The following CACNB2 variants were observed in gnomAD, a reference collection of about 807,000 sequenced individuals.
The protein encoded by CACNB2 is voltage-dependent L-type calcium channel subunit beta-2.
Under a neutral mutation model 73.3 loss-of-function variants are expected in CACNB2, and 42 were observed. The ratio of observed to expected loss-of-function variants is 0.57; its 90% confidence interval spans 0.45 to 0.74. CACNB2 has a LOEUF of 0.74. Among genes scored for constraint, CACNB2 ranks in the 30% least tolerant of loss-of-function variants. The pLI is 0.00. For synonymous variants in CACNB2, 348 were observed against 310.3 expected (o/e 1.12, Z -1.28); for missense variants, 940 against 853.0 (o/e 1.10, Z -1.27).
intron 3 of CACNB2, among the ~76,000 whole-genome samples, chr10:18,494,362 G>A (rs999750904): frequency 5.9e-5 from 9 of 152,108 alleles, no homozygotes; most frequent in African/African-American, 1.7e-4. Context: ...GGGTGCGGTG[G>A]CTCACGCCTG....
intron 2 of CACNB2, among the ~76,000 whole-genome samples, chr10:18,299,036 G>A (rs1461357546): frequency 7.4e-6 from 1 of 134,308 alleles, no homozygotes; most frequent in Non-Finnish European, 1.5e-5. Flanking sequence ...CCTGCACGTT[G>A]TGCACATGTA....
At chr10:18,285,544 G>C (rs879422628) in intron 2 of CACNB2, among the ~76,000 whole-genome samples, 9 of 152,178 alleles carry the variant, frequency 5.9e-5, no homozygotes, top group Admixed American at 2.0e-4. Context: ...GCAGCTATCT[G>C]ACTGTTACCA....
At chr10:18,500,591 C>T (rs2050140010) in intron 4 of CACNB2, among the ~76,000 whole-genome samples, 1 of 152,158 alleles carries the variant, frequency 6.6e-6, no homozygotes, top group Non-Finnish European at 1.5e-5. Context: ...CCTACGGCAG[C>T]ACCAGGACAG....
intron 2 of CACNB2, among the ~76,000 whole-genome samples, chr10:18,330,184 A>G (rs528989608): frequency 1.3e-4 from 20 of 152,228 alleles, no homozygotes; most frequent in Non-Finnish European, 2.2e-4. Flanking sequence ...AGATAACACA[A>G]AGAAGTCCTA....
intron 2 of CACNB2, among the ~76,000 whole-genome samples, chr10:18,359,560 C>T (rs764221182): frequency 3.3e-5 from 5 of 152,054 alleles, no homozygotes; most frequent in Non-Finnish European, 7.4e-5. Flanking sequence ...CAGCATGAAC[C>T]ACCACACCCA....
intron 2 of CACNB2, among the ~76,000 whole-genome samples, chr10:18,222,106 G>A (rs539381557): frequency 6.6e-6 from 1 of 152,166 alleles, no homozygotes; most frequent in African/African-American, 2.4e-5. Flanking sequence ...CCTGGCAGGA[G>A]TACACAATAC....
At chr10:18,508,341 A>G (rs951001530) in intron 6 of CACNB2, among the ~76,000 whole-genome samples, 2 of 152,216 alleles carry the variant, frequency 1.3e-5, no homozygotes, top group Non-Finnish European at 2.9e-5. Flanking sequence ...TGTGAAACTT[A>G]TACCTTCCCT....
intron 9 of CACNB2, among the ~76,000 whole-genome samples, chr10:18,522,318 G>A (rs1328324642): frequency 6.6e-6 from 1 of 151,990 alleles, no homozygotes; most frequent in Admixed American, 6.5e-5. Flanking sequence ...TAATGTGCCT[G>A]AATCATCTCA....
intron 2 of CACNB2, among the ~76,000 whole-genome samples, chr10:18,266,643 C>T (rs1324797440): frequency 6.6e-6 from 1 of 152,110 alleles, no homozygotes; most frequent in African/African-American, 2.4e-5. Context: ...AATCTCAGCA[C>T]TTTGCTAGGC....
chr10:18,536,325 C>G (rs141676356), intron 12 of CACNB2, 129 bp downstream of exon 12: 1 of 588,102 alleles, frequency 1.7e-6, no homozygotes, highest in East Asian at 3.1e-5. Flanking sequence ...GTGGTATGGT[C>G]TTAGCTCACT....
chr10:18,297,549 C>A lies in CACNB2; in HGVS notation c.214-104375C>A, dbSNP rs186420066. ...TTCCGGCCTGGATGACAGAGTGAGA[C>A]CATGTCTTTAAAAAAAGAAAAGTTT... is the stretch of plus-strand genomic sequence containing the variant. On this transcript the variant is annotated intron_variant, in intron 2 of 13. Transcript: ENST00000324631. Among the ~76,000 whole-genome samples, 1,253 of 152,228 alleles carry A rather than the reference C, an allele frequency of 8.2e-3. 5 individuals are homozygous for A. The highest frequency in any genetic ancestry group is 0.017 in the Middle Eastern group (5 of 294).
chr10:18,406,399 G>A (rs11014091), intron 3 of CACNB2, among the ~76,000 whole-genome samples: 3,277 of 152,238 alleles, frequency 0.022, 135 homozygotes, highest in African/African-American at 0.074. Flanking sequence ...CAGCCAGACA[G>A]GAAGCTTCAT....
At chr10:18,473,683 G>A (rs1324378656) in intron 3 of CACNB2, among the ~76,000 whole-genome samples, 4 of 152,180 alleles carry the variant, frequency 2.6e-5, no homozygotes, top group Non-Finnish European at 5.9e-5. Context: ...TCAGTCACCC[G>A]GAGAATTCAC....
At chr10:18,277,124 A>C (rs1314054574) in intron 2 of CACNB2, among the ~76,000 whole-genome samples, 1 of 152,134 alleles carries the variant, frequency 6.6e-6, no homozygotes. Context: ...CTCTTAGAAG[A>C]AAAAAGTCAT....
intron 9 of CACNB2, among the ~76,000 whole-genome samples, chr10:18,525,925 T>C (rs1021716060): frequency 1.1e-4 from 17 of 152,218 alleles, no homozygotes; most frequent in African/African-American, 4.1e-4. Context: ...AGAAATTTGT[T>C]CTAGTCTCAT....
At chr10:18,538,063 A>G in intron 12 of CACNB2, 117 bp from the exon 13 acceptor site, 1 of 929,012 alleles carries the variant, frequency 1.1e-6, no homozygotes, top group East Asian at 2.4e-5. Context: ...GCACTTATAG[A>G]AGCAGGAGCA....
At chr10:18,467,653 C>T (rs145338346) in intron 3 of CACNB2, among the ~76,000 whole-genome samples, 40 of 152,272 alleles carry the variant, frequency 2.6e-4, no homozygotes, top group African/African-American at 9.1e-4. Context: ...TACTATTCTC[C>T]ATTGACAGTG....
chr10:18,492,989 C>T (rs374298100), intron 3 of CACNB2, among the ~76,000 whole-genome samples: 155 of 152,118 alleles, frequency 1.0e-3, no homozygotes, highest in Non-Finnish European at 1.6e-3. Context: ...TCCACGTTCA[C>T]GGATTCAACC....
At chr10:18,275,385 A>T (rs1319585256) in intron 2 of CACNB2, among the ~76,000 whole-genome samples, 1 of 152,220 alleles carries the variant, frequency 6.6e-6, no homozygotes, top group South Asian at 2.1e-4. Flanking sequence ...AAGGGGATAG[A>T]TACAAGAGAC....
Sources: gnomAD v4.1 joint callset for allele counts (sites outside exome capture counted in the v4.1 genomes callset) on GRCh38, gnomAD v4.1.1 for gene constraint, MANE v1.5 for transcripts, NCBI Gene and HGNC (gene_info 2026-07-23, HGNC 2026-07-21) for gene names.